The following PIGL variants were observed in gnomAD, a reference collection of about 807,000 sequenced individuals.
PIGL encodes N-acetylglucosaminyl-phosphatidylinositol de-N-acetylase.
Under a neutral mutation model 31.1 loss-of-function variants are expected in PIGL, and 22 were observed. That is an observed-to-expected ratio of 0.71 (90% CI 0.51 to 1.01). PIGL has a LOEUF of 1.01. Ranked by LOEUF, PIGL falls within the 50% of genes least tolerant of loss-of-function variation. PIGL has a pLI of 0.00. For synonymous variants in PIGL, 131 were observed against 117.4 expected (o/e 1.12, Z -0.75); for missense variants, 302 against 315.9 (o/e 0.96, Z 0.33).
At chr17:16,221,518 T>C (rs190318735) in intron 1 of PIGL, among the ~76,000 whole-genome samples, 7 of 151,694 alleles carry the variant, frequency 4.6e-5, no homozygotes, top group African/African-American at 1.4e-4. Flanking sequence ...GGCGCAATCT[T>C]GGGTCACTGC....
At chr17:16,307,489 C>T (rs988873086) in intron 3 of PIGL, among the ~76,000 whole-genome samples, 1 of 152,200 alleles carries the variant, frequency 6.6e-6, no homozygotes, top group Non-Finnish European at 1.5e-5. Flanking sequence ...GCACAGTTGG[C>T]AAGACTCTTT....
chr17:16,322,599 G>A (rs2093110759), intron 6 of PIGL, among the ~76,000 whole-genome samples: 1 of 151,892 alleles, frequency 6.6e-6, no homozygotes, highest in African/African-American at 2.4e-5. Context: ...AATCTTTGAG[G>A]GTATAATTTA....
chr17:16,238,909 C>CAAA (rs892510303), intron 2 of PIGL, among the ~76,000 whole-genome samples: 19 of 75,396 alleles, frequency 2.5e-4, no homozygotes, highest in South Asian at 7.2e-4. Context: ...GACCCCGTCT[C>CAAA]AAAAAAAAAA....
At chr17:16,233,140 T>C (rs2092685996) in intron 1 of PIGL, among the ~76,000 whole-genome samples, 1 of 151,730 alleles carries the variant, frequency 6.6e-6, no homozygotes, top group Non-Finnish European at 1.5e-5. Flanking sequence ...TTATCTCCAC[T>C]TAACTGGTGA....
In PIGL at chr17:16,237,359, C is replaced by T. The variant is rs140622372; in HGVS notation, c.335+3289C>T. On this transcript the variant is annotated intron_variant, in intron 2 of 6. Transcript: ENST00000225609. ...TTGACCTCAAGTGATCCGCCCTCCT[C>T]GGCCTCCCAAAGTGCTGGGATTACA... 9.6e-3 allele frequency among the ~76,000 whole-genome samples: 1,449 copies of T among 151,550 alleles called. 22 individuals are homozygous for T. The highest frequency in any genetic ancestry group is 0.049 in the East Asian group (251 of 5,124).
At chr17:16,234,767 AAAT>A (rs1005792823) in intron 2 of PIGL, among the ~76,000 whole-genome samples, 4 of 152,178 alleles carry the variant, frequency 2.6e-5, no homozygotes, top group Admixed American at 2.6e-4. Flanking sequence ...TCCGTCTCAA[AAAT>A]AATAATAATA....
At chr17:16,267,006 T>C (rs568512554) in intron 2 of PIGL, among the ~76,000 whole-genome samples, 2 of 152,190 alleles carry the variant, frequency 1.3e-5, no homozygotes, top group African/African-American at 4.8e-5. Context: ...TAATTGTTTT[T>C]AGAACTACAG....
At chr17:16,258,103 A>AGAGAG (rs2092803342) in intron 2 of PIGL, among the ~76,000 whole-genome samples, 20 of 65,682 alleles carry the variant, frequency 3.0e-4, no homozygotes, top group African/African-American at 9.1e-4. Context: ...GAGAGAGAGA[A>AGAGAG]AGAGAGAGAG....
intron 2 of PIGL, among the ~76,000 whole-genome samples, chr17:16,252,066 C>CTT (rs66540057): frequency 2.4e-5 from 3 of 123,834 alleles, no homozygotes; most frequent in East Asian, 2.5e-4. Flanking sequence ...TTTTTTTTTC[C>CTT]TTTTTTTTTT....
At chr17:16,245,814 A>ATTTT (rs1198422495) in intron 2 of PIGL, among the ~76,000 whole-genome samples, 3 of 103,084 alleles carry the variant, frequency 2.9e-5, no homozygotes, top group African/African-American at 1.5e-4. Flanking sequence ...ACATATATAT[A>ATTTT]TATATATTTT....
chr17:16,274,936 G>A (rs1296433348), intron 2 of PIGL, among the ~76,000 whole-genome samples: 1 of 151,696 alleles, frequency 6.6e-6, no homozygotes, highest in Non-Finnish European at 1.5e-5. Context: ...GGAGGCTGGG[G>A]CAGGAGAATG....
At chr17:16,265,986 G>A (rs1485343468) in intron 2 of PIGL, among the ~76,000 whole-genome samples, 1 of 152,030 alleles carries the variant, frequency 6.6e-6, no homozygotes, top group African/African-American at 2.4e-5. Context: ...CACCCAGAGA[G>A]GACTCTTCAT....
intron 2 of PIGL, among the ~76,000 whole-genome samples, chr17:16,246,681 T>C (rs1401949416): frequency 2.2e-5 from 2 of 92,004 alleles, no homozygotes; most frequent in Non-Finnish European, 5.1e-5. Flanking sequence ...TCTTTTTTTT[T>C]TTTTTTTTTT....
At chr17:16,217,563 T>C in intron 1 of PIGL, 102 bp downstream of exon 1, 1 of 901,950 alleles carries the variant, frequency 1.1e-6, no homozygotes, top group Non-Finnish European at 1.7e-6. Context: ...CGTAGGGAGC[T>C]AAGTGAATAC....
chr17:16,265,654 C>T (rs540736437), intron 2 of PIGL, among the ~76,000 whole-genome samples: 12 of 151,706 alleles, frequency 7.9e-5, no homozygotes, highest in Non-Finnish European at 1.3e-4. Context: ...GCAGGAGAAT[C>T]GCTTGAACCC....
At chr17:16,231,668 T>C (rs1317161973) in intron 1 of PIGL, among the ~76,000 whole-genome samples, 1 of 152,198 alleles carries the variant, frequency 6.6e-6, no homozygotes, top group Admixed American at 6.5e-5. Context: ...CAAAATGTCT[T>C]TACTTTGTAT....
At chr17:16,320,241 G>GA (rs2093098124) in intron 6 of PIGL, among the ~76,000 whole-genome samples, 1 of 96,284 alleles carries the variant, frequency 1.0e-5, no homozygotes, top group African/African-American at 3.9e-5. Flanking sequence ...AAGGAAGGAA[G>GA]GAAGGAAGGA....
At chr17:16,254,000 C>T (rs1293823015) in intron 2 of PIGL, among the ~76,000 whole-genome samples, 3 of 152,090 alleles carry the variant, frequency 2.0e-5, no homozygotes, top group Non-Finnish European at 4.4e-5. Context: ...TCCTCTCCAT[C>T]TCCCAGTCCA....
chr17:16,257,839 C>T (rs555354582), intron 2 of PIGL, among the ~76,000 whole-genome samples: 107 of 151,882 alleles, frequency 7.0e-4, no homozygotes, highest in African/African-American at 2.5e-3. Context: ...CCAAGGCGGG[C>T]GGATCACTTG....
Sources: allele counts gnomAD v4.1 joint callset (sites outside exome capture counted in the v4.1 genomes callset), GRCh38; gene constraint gnomAD v4.1.1; transcripts MANE v1.5; gene names NCBI Gene and HGNC (gene_info 2026-07-23, HGNC 2026-07-21).